The following GRM8 variants were observed in gnomAD, a reference collection of about 807,000 sequenced individuals.
GRM8 encodes the protein glutamate metabotropic receptor 8, also known as metabotropic glutamate receptor 8.
Under a neutral mutation model 87.2 loss-of-function variants are expected in GRM8, and 47 were observed. That is an observed-to-expected ratio of 0.54 (90% CI 0.43 to 0.69). GRM8 has a LOEUF of 0.69. Among genes scored for constraint, GRM8 ranks in the 30% least tolerant of loss-of-function variants. GRM8 has a pLI of 0.00. For missense variants in GRM8, 1,019 were observed against 1,139.2 expected, an observed-to-expected ratio of 0.89 and a Z score of 1.52; for synonymous variants, 396 against 404.5, an observed-to-expected ratio of 0.98 and a Z score of 0.25.
At chr7:126,668,754 C>A (rs1388250952) in intron 7 of GRM8, among the ~76,000 whole-genome samples, 1 of 152,168 alleles carries the variant, frequency 6.6e-6, no homozygotes, top group Admixed American at 6.5e-5. Context: ...CTTCTCCATT[C>A]TGTTGGCAGT....
At chr7:126,635,189 A>G (rs1801723526) in intron 7 of GRM8, among the ~76,000 whole-genome samples, 1 of 152,234 alleles carries the variant, frequency 6.6e-6, no homozygotes, top group African/African-American at 2.4e-5. Context: ...ATAACTAATT[A>G]ATTCAAAAAG....
intron 6 of GRM8, among the ~76,000 whole-genome samples, chr7:126,797,603 T>C (rs1178573050): frequency 6.6e-6 from 1 of 152,152 alleles, no homozygotes; most frequent in Non-Finnish European, 1.5e-5. Context: ...CTGCTCCAAT[T>C]TGAAGTCTAC....
chr7:127,244,151 A>G (rs1247638584), intron 1 of GRM8, among the ~76,000 whole-genome samples: 1 of 152,236 alleles, frequency 6.6e-6, no homozygotes, highest in Non-Finnish European at 1.5e-5. Flanking sequence ...AGACTTGAAA[A>G]TGAAACACAC....
At chr7:126,775,025 G>T (rs2299516) in intron 6 of GRM8, among the ~76,000 whole-genome samples, 1 of 151,870 alleles carries the variant, frequency 6.6e-6, no homozygotes, top group Non-Finnish European at 1.5e-5. Context: ...CTTAATTCTG[G>T]GGAAATCAAA....
chr7:126,659,199 C>T (rs1352346332), intron 7 of GRM8, among the ~76,000 whole-genome samples: 2 of 152,110 alleles, frequency 1.3e-5, no homozygotes, highest in Non-Finnish European at 2.9e-5. Flanking sequence ...ATGTTTCCAT[C>T]TTTCTATAAT....
intron 3 of GRM8, among the ~76,000 whole-genome samples, chr7:127,025,203 T>G (rs1484425927): frequency 6.6e-6 from 1 of 152,074 alleles, no homozygotes; most frequent in African/African-American, 2.4e-5. Flanking sequence ...ATCTAGGCTC[T>G]TCCTGTTCCC....
At chr7:126,817,861 T>C (rs1388349452) in intron 6 of GRM8, among the ~76,000 whole-genome samples, 1 of 152,208 alleles carries the variant, frequency 6.6e-6, no homozygotes, top group Non-Finnish European at 1.5e-5. Flanking sequence ...TCATTCTGTA[T>C]AGTTACATCG....
chr7:126,862,514 A>C (rs1310122653), intron 6 of GRM8, among the ~76,000 whole-genome samples: 1 of 151,874 alleles, frequency 6.6e-6, no homozygotes, highest in Non-Finnish European at 1.5e-5. Flanking sequence ...TTTGTTCTTT[A>C]TTTTCCATTC....
In GRM8 at chr7:126,504,008, C is replaced by T. The variant is rs117853940; in HGVS notation, c.2430+28944G>A. 6.8e-3 allele frequency among the ~76,000 whole-genome samples: 1,039 copies of T among 152,110 alleles called. 5 individuals are homozygous for T. Among genetic ancestry groups the T allele is most frequent in the Non-Finnish European group, 0.011 (755 of 67,942 alleles). ...AAACAAAAAATAACTTCTGTTCTTA[C>T]GAGCCACTGAGAATTAGGGGTTGTT... On this transcript the variant is annotated intron_variant, in intron 9 of 10. Transcript: ENST00000339582.
At chr7:126,841,626 A>T (rs983904031) in intron 6 of GRM8, among the ~76,000 whole-genome samples, 3 of 151,258 alleles carry the variant, frequency 2.0e-5, no homozygotes, top group Non-Finnish European at 4.4e-5. Flanking sequence ...TATTTATTGG[A>T]TTATTATTTT....
chr7:126,816,764 G>A (rs1343083647), intron 6 of GRM8, among the ~76,000 whole-genome samples: 2 of 143,304 alleles, frequency 1.4e-5, no homozygotes, highest in Non-Finnish European at 3.1e-5. Context: ...GTGTGTGTGT[G>A]TGTGTAGTGT....
intron 6 of GRM8, among the ~76,000 whole-genome samples, chr7:126,892,586 T>A (rs561586156): frequency 6.6e-6 from 1 of 152,042 alleles, no homozygotes; most frequent in Admixed American, 6.6e-5. Context: ...GAATAGTGCC[T>A]CAATAAACAT....
intron 2 of GRM8, among the ~76,000 whole-genome samples, chr7:127,241,104 A>C (rs932274774): frequency 6.6e-6 from 1 of 152,226 alleles, no homozygotes; most frequent in Admixed American, 6.5e-5. Context: ...TCTGCTTAGC[A>C]TCCTCCTTAT....
chr7:126,886,930 C>T (rs116096616), intron 6 of GRM8, among the ~76,000 whole-genome samples: 1,849 of 151,790 alleles, frequency 0.012, 49 homozygotes, highest in African/African-American at 0.043. Flanking sequence ...AGCAAAAGGC[C>T]GAAAGAAGGA....
chr7:126,509,416 T>C (rs1810997422), intron 9 of GRM8, among the ~76,000 whole-genome samples: 1 of 152,046 alleles, frequency 6.6e-6, no homozygotes, highest in African/African-American at 2.4e-5. Flanking sequence ...CATAAATAAA[T>C]TGAACGTGGA....
At chr7:126,449,081 C>T (rs1048058701) in intron 9 of GRM8, among the ~76,000 whole-genome samples, 1 of 151,790 alleles carries the variant, frequency 6.6e-6, no homozygotes, top group African/African-American at 2.4e-5. Flanking sequence ...AAGTCCACAA[C>T]CTTACAGTGG....
At chr7:127,217,314 A>C (rs1796617364) in intron 2 of GRM8, among the ~76,000 whole-genome samples, 1 of 152,224 alleles carries the variant, frequency 6.6e-6, no homozygotes, top group Non-Finnish European at 1.5e-5. Context: ...GGACACAGGC[A>C]GGGAAACTGT....
chr7:127,251,548 T>C (rs1389629440), intron 1 of GRM8, among the ~76,000 whole-genome samples: 2 of 152,010 alleles, frequency 1.3e-5, no homozygotes, highest in African/African-American at 4.8e-5. Context: ...TTCTTCTCAG[T>C]TCCTTGGGCT....
At chr7:126,663,189 T>TC (rs1805394001) in intron 7 of GRM8, among the ~76,000 whole-genome samples, 1 of 152,220 alleles carries the variant, frequency 6.6e-6, no homozygotes, top group Non-Finnish European at 1.5e-5. Flanking sequence ...GCAGATGGAT[T>TC]CATGGCCAAA....
Sources: gnomAD v4.1 joint callset for allele counts (sites outside exome capture counted in the v4.1 genomes callset) on GRCh38, gnomAD v4.1.1 for gene constraint, MANE v1.5 for transcripts, NCBI Gene and HGNC (gene_info 2026-07-23, HGNC 2026-07-21) for gene names.